Variants in VAX2 observed in about 807,000 individuals in gnomAD.
VAX2 encodes ventral anterior homeobox 2.
In VAX2, 8 loss-of-function variants were observed where a neutral mutation model predicts 12.5. The observed-to-expected ratio is 0.64, with a 90% CI of 0.37 to 1.15. The LOEUF is 1.15. Ranked by LOEUF, VAX2 falls within the 50% of genes most tolerant of loss-of-function variation. VAX2 has a pLI of 0.01. For missense variants in VAX2, 476 were observed against 412.9 expected (o/e 1.15, Z -1.32); for synonymous variants, 183 against 187.6 (o/e 0.98, Z 0.20).
intron 2 of VAX2, among the ~76,000 whole-genome samples, chr2:70,927,127 GT>G (rs1464093053): frequency 5.3e-5 from 8 of 152,052 alleles, no homozygotes; most frequent in Non-Finnish European, 5.9e-5. Context: ...ATTTATTTTT[GT>G]TTTTTCAGCA....
chr2:70,909,667 A>G (rs1679140961), intron 1 of VAX2, among the ~76,000 whole-genome samples: 1 of 152,162 alleles, frequency 6.6e-6, no homozygotes, highest in South Asian at 2.1e-4. Context: ...TCTTAATTAA[A>G]CAAATTGTCT....
chr2:70,925,331 C>T (rs1490359373), intron 2 of VAX2, among the ~76,000 whole-genome samples: 3 of 152,068 alleles, frequency 2.0e-5, no homozygotes, highest in African/African-American at 7.2e-5. Flanking sequence ...AGGAGAGAAG[C>T]GTACTAATGT....
intron 2 of VAX2, among the ~76,000 whole-genome samples, chr2:70,930,674 G>A (rs1314627744): frequency 6.6e-6 from 1 of 152,232 alleles, no homozygotes; most frequent in Non-Finnish European, 1.5e-5. Context: ...GCATGGCCCA[G>A]GTGGCCCAGT....
intron 1 of VAX2, among the ~76,000 whole-genome samples, chr2:70,920,122 A>C (rs1379062959): frequency 6.6e-6 from 1 of 152,150 alleles, no homozygotes; most frequent in Non-Finnish European, 1.5e-5. Context: ...AAGTAATGGA[A>C]ATTCCTGTTA....
intron 2 of VAX2, among the ~76,000 whole-genome samples, chr2:70,930,156 C>T (rs1408365184): frequency 6.6e-6 from 1 of 152,204 alleles, no homozygotes; most frequent in Non-Finnish European, 1.5e-5. Context: ...TCTCATGACA[C>T]TAGTGTACTG....
In VAX2 at chr2:70,900,819, G is replaced by A; in HGVS notation, c.198G>A (p.Gly66=). The A allele has an allele frequency of 6.7e-7, 1 of 1,485,994 alleles. No individual in the cohort carries two copies. The highest frequency in any genetic ancestry group is 8.9e-7 in the Non-Finnish European group (1 of 1,118,620). 92.1% of individuals were successfully genotyped at this position (1,485,994 alleles called of 1,614,324 possible). ...GSRESGADSD[G]QPGPGEADHC... ...GGGAGAGTGGAGCCGACAGCGACGG[G>A]CAGCCCGGGCCCGGCGAGGCAGACC... The change falls in exon 1 of 3, where the codon GGG becomes GGA. Residue 66 remains glycine, a synonymous_variant. Coordinates refer to ENST00000234392, the MANE Select transcript of VAX2 (RefSeq NM_012476.3).
At chr2:70,914,302 T>C (rs1292630688) in intron 1 of VAX2, among the ~76,000 whole-genome samples, 1 of 151,964 alleles carries the variant, frequency 6.6e-6, no homozygotes, top group Non-Finnish European at 1.5e-5. Context: ...TTACAAAAAT[T>C]AGGGGGCGTG....
At chr2:70,921,494 G>T (rs1553412868) in intron 2 of VAX2, among the ~76,000 whole-genome samples, 1 of 152,092 alleles carries the variant, frequency 6.6e-6, no homozygotes, top group African/African-American at 2.4e-5. Context: ...TGCCAATGGG[G>T]GCCTTCTGGA....
At chr2:70,906,668 C>G (rs1553410628) in intron 1 of VAX2, among the ~76,000 whole-genome samples, 2 of 151,806 alleles carry the variant, frequency 1.3e-5, no homozygotes, top group Admixed American at 6.6e-5. Flanking sequence ...TGCTGGATTA[C>G]AGGACTGAGC....
intron 2 of VAX2, among the ~76,000 whole-genome samples, chr2:70,931,156 C>T (rs546590506): frequency 1.3e-5 from 2 of 152,336 alleles, no homozygotes; most frequent in East Asian, 3.9e-4. Flanking sequence ...AGCTTCCTGC[C>T]CAGTTCCCTT....
chr2:70,922,132 C>G (rs1159320465), intron 2 of VAX2, among the ~76,000 whole-genome samples: 1 of 152,204 alleles, frequency 6.6e-6, no homozygotes, highest in Non-Finnish European at 1.5e-5. Flanking sequence ...TTTATGCTGC[C>G]TATAAACTGG....
chr2:70,932,497 T>A (rs1285339210), intron 2 of VAX2, among the ~76,000 whole-genome samples: 1 of 152,072 alleles, frequency 6.6e-6, no homozygotes, highest in Admixed American at 6.5e-5. Flanking sequence ...TCCTCCATCC[T>A]AGGCCAGAGT....
At position 70,921,201 on chromosome 2, in the gene VAX2, G is replaced by A. The variant is rs782443229; in HGVS notation, c.351G>A (p.Leu117=). ...TSFTAEQLYR[L]EMEFQRCQYV... The stretch of plus-strand genomic sequence containing the variant: ...TCACTGCCGAGCAGCTGTACCGCCT[G>A]GAGATGGAGTTCCAGCGCTGCCAGT... The change falls in exon 2 of 3, where the codon CTG becomes CTA. Residue 117 remains leucine, a synonymous_variant. Coordinates refer to ENST00000234392, the MANE Select transcript of VAX2 (RefSeq NM_012476.3). 1.7e-5 allele frequency: 27 copies of A among 1,613,616 alleles called. No homozygotes were observed. The highest frequency in any genetic ancestry group is 1.9e-5 in the Non-Finnish European group (22 of 1,179,942).
intron 2 of VAX2, among the ~76,000 whole-genome samples, chr2:70,923,900 A>G (rs1175061861): frequency 4.6e-5 from 7 of 152,230 alleles, no homozygotes; most frequent in Non-Finnish European, 1.0e-4. Flanking sequence ...TGGGAGGCCA[A>G]GGAGGGAGGA....
chr2:70,925,464 G>A (rs1470585620), intron 2 of VAX2, among the ~76,000 whole-genome samples: 1 of 152,222 alleles, frequency 6.6e-6, no homozygotes, highest in Non-Finnish European at 1.5e-5. Context: ...CATATAATGA[G>A]TTGAGAAACT....
At chr2:70,915,809 T>G (rs1405959329) in intron 1 of VAX2, among the ~76,000 whole-genome samples, 1 of 152,172 alleles carries the variant, frequency 6.6e-6, no homozygotes, top group Non-Finnish European at 1.5e-5. Flanking sequence ...ACTCTATGAC[T>G]ATGGATACAT....
chr2:70,929,003 G>C (rs1553413935), intron 2 of VAX2, among the ~76,000 whole-genome samples: 1 of 152,210 alleles, frequency 6.6e-6, no homozygotes, highest in African/African-American at 2.4e-5. Context: ...TGCTGGCTTG[G>C]CTAAGAGGTC....
intron 1 of VAX2, among the ~76,000 whole-genome samples, chr2:70,906,520 C>CT (rs869309305): frequency 0.024 from 1,457 of 60,494 alleles, 231 homozygotes; most frequent in African/African-American, 0.056. Context: ...TTTTCTTTTC[C>CT]TTTTTTTTTT....
chr2:70,915,520 A>G (rs1249800515), intron 1 of VAX2, among the ~76,000 whole-genome samples: 3 of 152,052 alleles, frequency 2.0e-5, no homozygotes, highest in Non-Finnish European at 2.9e-5. Flanking sequence ...GTGAGCCACC[A>G]CGCCTAGCCT....
Sources: gnomAD v4.1 joint callset for allele counts (sites outside exome capture counted in the v4.1 genomes callset) on GRCh38, gnomAD v4.1.1 for gene constraint, MANE v1.5 for transcripts, NCBI Gene and HGNC (gene_info 2026-07-23, HGNC 2026-07-21) for gene names.